Variants in NRXN3 observed in about 807,000 individuals in gnomAD.
NRXN3 encodes neurexin III.
A neutral mutation model predicts 137.6 loss-of-function variants in NRXN3; 32 were observed. That is an observed-to-expected ratio of 0.23 (90% CI 0.18 to 0.31). The LOEUF (loss-of-function observed/expected upper bound fraction) is 0.31, where lower values mean the gene tolerates loss of function less well. NRXN3 is among the 10% of genes least tolerant of loss of function. NRXN3 has a pLI of 1.00. For missense variants in NRXN3, 1,574 were observed against 2,062.5 expected (o/e 0.76, Z 4.59); for synonymous variants, 798 against 784.5 (o/e 1.02, Z -0.29).
At chr14:78,611,984 T>C (rs2097304361) in intron 4 of NRXN3, among the ~76,000 whole-genome samples, 1 of 152,192 alleles carries the variant, frequency 6.6e-6, no homozygotes. Flanking sequence ...ATTGCATCAT[T>C]ATATAATCAT....
chr14:79,179,635 A>C (rs1426493068), intron 15 of NRXN3, among the ~76,000 whole-genome samples: 1 of 152,146 alleles, frequency 6.6e-6, no homozygotes, highest in Non-Finnish European at 1.5e-5. Context: ...AAAGTCTTAC[A>C]AATAAGGGCA....
chr14:79,476,359 T>C (rs1266315690), intron 16 of NRXN3, among the ~76,000 whole-genome samples: 2 of 152,054 alleles, frequency 1.3e-5, no homozygotes, highest in African/African-American at 4.8e-5. Flanking sequence ...ACCTGTCATT[T>C]CCTGGCCTGC....
chr14:78,553,644 T>G (rs1026310487), intron 4 of NRXN3, among the ~76,000 whole-genome samples: 5 of 152,242 alleles, frequency 3.3e-5, no homozygotes, highest in African/African-American at 1.2e-4. Context: ...GATTTAATGG[T>G]AACGAAGTTC....
intron 17 of NRXN3, among the ~76,000 whole-genome samples, chr14:79,688,884 G>A (rs560650942): frequency 1.3e-5 from 2 of 152,112 alleles, no homozygotes; most frequent in Admixed American, 6.6e-5. Flanking sequence ...AAATAGATGG[G>A]AATAAACACA....
chr14:79,085,615 A>G (rs2152778711), intron 15 of NRXN3, among the ~76,000 whole-genome samples: 1 of 152,326 alleles, frequency 6.6e-6, no homozygotes, highest in Admixed American at 6.5e-5. Context: ...TAGTAGTTTA[A>G]TGACTTGGGC....
chr14:78,349,057 G>A (rs1320922646), intron 4 of NRXN3, among the ~76,000 whole-genome samples: 2 of 152,160 alleles, frequency 1.3e-5, no homozygotes, highest in Non-Finnish European at 2.9e-5. Context: ...AGCCTATCAG[G>A]GACCACATGC....
intron 15 of NRXN3, among the ~76,000 whole-genome samples, chr14:79,144,085 T>C (rs976043095): frequency 1.3e-5 from 2 of 152,210 alleles, no homozygotes; most frequent in African/African-American, 2.4e-5. Context: ...TGTGGGACAC[T>C]CATCCGTCCC....
intron 10 of NRXN3, among the ~76,000 whole-genome samples, chr14:78,894,676 A>G (rs562813853): frequency 2.6e-5 from 4 of 151,878 alleles, no homozygotes; most frequent in Non-Finnish European, 5.9e-5. Flanking sequence ...TGCTTTATCC[A>G]TATCTATCAG....
intron 6 of NRXN3, among the ~76,000 whole-genome samples, chr14:78,696,656 G>A (rs1033031956): frequency 6.6e-6 from 1 of 151,966 alleles, no homozygotes; most frequent in Non-Finnish European, 1.5e-5. Context: ...AAATAGGGTG[G>A]CCATCTATTC....
chr14:78,530,391 CT>C (rs1247932076), intron 4 of NRXN3, among the ~76,000 whole-genome samples: 1 of 152,172 alleles, frequency 6.6e-6, no homozygotes, highest in African/African-American at 2.4e-5. Flanking sequence ...TACTTAGACC[CT>C]TTTTATTTCC....
intron 15 of NRXN3, among the ~76,000 whole-genome samples, chr14:79,371,928 T>C (rs1173435372): frequency 1.3e-5 from 2 of 152,282 alleles, no homozygotes; most frequent in East Asian, 3.9e-4. Flanking sequence ...TAAAATAATA[T>C]AGAAAAATAA....
intron 15 of NRXN3, among the ~76,000 whole-genome samples, chr14:79,129,730 C>A (rs967492126): frequency 9.5e-5 from 10 of 105,080 alleles, no homozygotes; most frequent in African/African-American, 2.9e-4. Flanking sequence ...TCCTGGGTAT[C>A]CTTGTTGACT....
intron 16 of NRXN3, among the ~76,000 whole-genome samples, chr14:79,509,210 A>C (rs773366255): frequency 6.6e-6 from 1 of 152,092 alleles, no homozygotes; most frequent in African/African-American, 2.4e-5. Flanking sequence ...AATAATAATA[A>C]TAATAATGCT....
intron 15 of NRXN3, among the ~76,000 whole-genome samples, chr14:79,447,581 G>T (rs968775321): frequency 2.6e-5 from 4 of 152,170 alleles, no homozygotes; most frequent in Admixed American, 2.6e-4. Flanking sequence ...GAACTATCTA[G>T]GAAGGACCTG....
At chr14:78,309,454 C>G (rs1222597246) in intron 4 of NRXN3, among the ~76,000 whole-genome samples, 2 of 151,946 alleles carry the variant, frequency 1.3e-5, no homozygotes, top group African/African-American at 4.8e-5. Flanking sequence ...CTCCCACCCT[C>G]CATCCTCCAC....
intron 15 of NRXN3, among the ~76,000 whole-genome samples, chr14:79,031,252 A>G (rs2099607814): frequency 6.6e-6 from 1 of 152,188 alleles, no homozygotes; most frequent in African/African-American, 2.4e-5. Context: ...AACTTAGAAT[A>G]TTAAATCCAG....
At chr14:79,357,167 T>C (rs1184897891) in intron 15 of NRXN3, among the ~76,000 whole-genome samples, 1 of 152,190 alleles carries the variant, frequency 6.6e-6, no homozygotes, top group East Asian at 1.9e-4. Flanking sequence ...TGGGATATTA[T>C]AAATATTTGT....
chr14:79,609,214 C>T (rs1393545713), intron 16 of NRXN3, among the ~76,000 whole-genome samples: 1 of 152,074 alleles, frequency 6.6e-6, no homozygotes, highest in African/African-American at 2.4e-5. Flanking sequence ...GATTGTTGTC[C>T]CAAGGATGTC....
chr14:79,790,154 G>T (rs2099140665), intron 19 of NRXN3, among the ~76,000 whole-genome samples: 2 of 152,218 alleles, frequency 1.3e-5, no homozygotes, highest in South Asian at 2.1e-4. Flanking sequence ...ATAGAGAAAA[G>T]AGGTTTATTT....
Sources: allele counts gnomAD v4.1 joint callset (sites outside exome capture counted in the v4.1 genomes callset), GRCh38; gene constraint gnomAD v4.1.1; transcripts MANE v1.5; gene names NCBI Gene and HGNC (gene_info 2026-07-23, HGNC 2026-07-21).